Variants in SHROOM4 observed in about 807,000 individuals in gnomAD.
SHROOM4 encodes the protein protein Shroom4.
In SHROOM4, 17 loss-of-function variants were observed where a neutral mutation model predicts 80.3. The observed-to-expected ratio is 0.21, with a 90% CI of 0.14 to 0.32. The LOEUF is 0.32. SHROOM4 is among the 10% of genes least tolerant of loss of function. SHROOM4 has a pLI of 1.00. For synonymous variants in SHROOM4, 400 were observed against 437.5 expected, an observed-to-expected ratio of 0.91 and a Z score of 1.07; for missense variants, 993 against 1,140.3, an observed-to-expected ratio of 0.87 and a Z score of 1.86.
At chrX:50,597,306 C>T (rs1929155973) in intron 8 of SHROOM4, among the ~76,000 whole-genome samples, 1 of 112,011 alleles carries the variant, frequency 8.9e-6, no homozygotes, top group Admixed American at 9.4e-5. Flanking sequence ...GAACAACTGT[C>T]ACTGTGGAGG....
chrX:50,587,247 A>G lies in SHROOM4; in HGVS notation c.*9448T>C, dbSNP rs998420491. On this transcript the variant is annotated 3_prime_UTR_variant, in exon 9 of 9. Transcript: ENST00000376020. ...AAAAGGCAAGGGATAACAAATGTTG[A>G]TGAGGGTATGGAGGAAAGGAAACCC... Among the ~76,000 whole-genome samples, 1 of 112,319 alleles carries G rather than the reference A, an allele frequency of 8.9e-6. No homozygotes were observed. Among genetic ancestry groups the G allele is most frequent in the Admixed American group, 9.5e-5 (1 of 10,576 alleles).
chrX:50,588,095 G>C lies in SHROOM4; in HGVS notation c.*8600C>G, dbSNP rs923978501. Among the ~76,000 whole-genome samples the C allele has an allele frequency of 9.0e-6, 1 of 111,396 alleles. No individual in the cohort carries two copies. The highest frequency in any genetic ancestry group is 1.9e-5 in the Non-Finnish European group (1 of 52,993). Reference sequence around the variant, plus strand: ...CAGTTCCTTCTCTATTGTTCTGAAGGGGGTGTTTTCTTGGGAGTATAGACT... The same window carrying C: ...CAGTTCCTTCTCTATTGTTCTGAAGCGGGTGTTTTCTTGGGAGTATAGACT... On this transcript the variant is annotated 3_prime_UTR_variant, in exon 9 of 9. Transcript: ENST00000376020.
chrX:50,625,864 C>T (rs1557252956), intron 5 of SHROOM4, among the ~76,000 whole-genome samples: 1 of 112,062 alleles, frequency 8.9e-6, no homozygotes, highest in East Asian at 2.8e-4. Context: ...CTGGTCAAGG[C>T]CTGCCTAGGC....
chrX:50,591,693 C>T lies in SHROOM4; in HGVS notation c.*5002G>A, dbSNP rs782656147. On this transcript the variant is annotated 3_prime_UTR_variant, in exon 9 of 9. Coordinates refer to ENST00000376020, the MANE Select transcript of SHROOM4 (RefSeq NM_020717.5). Reference sequence around the variant, plus strand: ...GTTTTCTTTCTTTCTTTCTTTCTTTCTTTTCTTTCTTTCTTTCTTTCTTTC... The same window carrying T: ...GTTTTCTTTCTTTCTTTCTTTCTTTTTTTTCTTTCTTTCTTTCTTTCTTTC... The T allele has an allele frequency of 3.1e-5, 7 of 228,910 alleles. No homozygotes were observed. The Admixed American group carries it at 3.7e-4, about 12-fold the overall frequency. 18.9% of individuals were successfully genotyped at this position (228,910 alleles called of 1,213,427 possible). A position where few individuals can be genotyped will look rare whatever the true frequency, so the allele number is the denominator to read the frequency against.
At chrX:50,735,781 G>A (rs942327224) in intron 1 of SHROOM4, among the ~76,000 whole-genome samples, 6 of 111,547 alleles carry the variant, frequency 5.4e-5, no homozygotes, top group African/African-American at 2.0e-4. Context: ...GCTGAGGTGG[G>A]CGGATCACGA....
At chrX:50,643,904 A>G (rs958436948) in intron 2 of SHROOM4, among the ~76,000 whole-genome samples, 1 of 112,889 alleles carries the variant, frequency 8.9e-6, no homozygotes, top group African/African-American at 3.2e-5. Context: ...AATACCCCAG[A>G]CACATACACT....
chrX:50,608,026 A>T lies in SHROOM4; in HGVS notation c.3116T>A (p.Val1039Asp). ...GGCAAGGGAGCTCCCCTCCTCATAA[A>T]CTGAAGTTTCCTCTGATTTTTTCAA... The part of the protein sequence containing the change: ...HALKKSEETS[V>D]YEEGSSLASM... Residue 1039 changes from valine (V) to aspartate (D), a missense_variant, in exon 6 of 9, where the codon GTT becomes GAT. Physicochemically the swap from Val to Asp is radical, Grantham distance 152. Coordinates refer to ENST00000376020, the MANE Select transcript of SHROOM4 (RefSeq NM_020717.5). 1 of 1,211,299 alleles carries T rather than the reference A, an allele frequency of 8.3e-7. No individual in the cohort carries two copies. Among genetic ancestry groups the T allele is most frequent in the Non-Finnish European group, 1.1e-6 (1 of 895,392 alleles).
rs1448709287 is a variant in SHROOM4, at chrX:50,587,985, T to A, written c.*8710A>T. The stretch of plus-strand genomic sequence containing the variant: ...AAACTCAATGACATTTAAGTTGACT[T>A]TAAGTCTAAAGATAGGTTTGAGGAG... On this transcript the variant is annotated 3_prime_UTR_variant, in exon 9 of 9. Coordinates refer to ENST00000376020, the MANE Select transcript of SHROOM4 (RefSeq NM_020717.5). Among the ~76,000 whole-genome samples the A allele has an allele frequency of 8.9e-6, 1 of 112,008 alleles. No homozygotes were observed. The highest frequency in any genetic ancestry group is 1.9e-5 in the Non-Finnish European group (1 of 53,153).
chrX:50,782,278 T>C (rs1284547052), intron 1 of SHROOM4, among the ~76,000 whole-genome samples: 1 of 109,859 alleles, frequency 9.1e-6, no homozygotes, highest in Non-Finnish European at 1.9e-5. Context: ...ATCACTCCCA[T>C]GGTTTAAAAC....
chrX:50,658,677 G>T (rs1229854227), intron 2 of SHROOM4, among the ~76,000 whole-genome samples: 1 of 111,449 alleles, frequency 9.0e-6, no homozygotes, highest in Non-Finnish European at 1.9e-5. Flanking sequence ...CAGGTAGAGG[G>T]ATAGGAAGGG....
At chrX:50,611,969 A>G (rs1488038901) in intron 5 of SHROOM4, among the ~76,000 whole-genome samples, 2 of 111,323 alleles carry the variant, frequency 1.8e-5, no homozygotes, top group African/African-American at 6.5e-5. Flanking sequence ...AAATACTTAT[A>G]TTAGTATGTA....
chrX:50,717,853 G>A (rs1247133998), intron 1 of SHROOM4, among the ~76,000 whole-genome samples: 1 of 111,759 alleles, frequency 8.9e-6, no homozygotes, highest in African/African-American at 3.3e-5. Context: ...TTCATTGTGT[G>A]GCTGAGATGT....
At chrX:50,785,111 C>A (rs1246439548) in intron 1 of SHROOM4, among the ~76,000 whole-genome samples, 5 of 111,464 alleles carry the variant, frequency 4.5e-5, no homozygotes, top group African/African-American at 6.5e-5. Context: ...ATAAAACTTA[C>A]CATAATAAGT....
chrX:50,679,229 A>G lies in SHROOM4; in HGVS notation c.269+16557T>C, dbSNP rs192321356. Among the ~76,000 whole-genome samples the G allele has an allele frequency of 5.4e-5, 6 of 111,030 alleles. No individual in the cohort carries two copies. In the East Asian group the frequency reaches 1.7e-3, roughly 32 times the overall value. On this transcript the variant is annotated intron_variant, in intron 2 of 8. Coordinates refer to ENST00000376020, the MANE Select transcript of SHROOM4 (RefSeq NM_020717.5). ...TTCTCCTTATAGTTGATTTAAAAAG[A>G]TAAGCATTGAGAAAAGAACTTCCTC... is the stretch of plus-strand genomic sequence containing the variant.
intron 1 of SHROOM4, among the ~76,000 whole-genome samples, chrX:50,714,033 T>G (rs1040411346): frequency 8.9e-6 from 1 of 112,253 alleles, no homozygotes; most frequent in Non-Finnish European, 1.9e-5. Context: ...CTTCTGCATA[T>G]GCTTATTGAG....
Position 50,607,792 on chromosome X carries a change from G to C in SHROOM4, c.3350C>G (p.Ala1117Gly), listed in dbSNP as rs1929751253. The C allele has an allele frequency of 1.8e-6, 2 of 1,085,280 alleles. No individual in the cohort carries two copies. Among genetic ancestry groups the C allele is most frequent in the African/African-American group, 2.2e-5 (1 of 45,717 alleles). The allele number at this position is 1,085,280 out of a possible 1,213,427, so 89.4% of individuals were successfully genotyped here. ...PNWEKYRLFRAAQQQKQQQQQ... is the reference protein window; with the variant it reads ...PNWEKYRLFRGAQQQKQQQQQ... The stretch of plus-strand genomic sequence containing the variant: ...CTGTTGCTGCTTCTGCTGCTGGGCT[G>C]CACGAAAGAGCCTGTACTTCTCCCA... The change falls in exon 6 of 9, where the codon GCA (alanine) becomes GGA (glycine). Residue 1117 changes from alanine (A) to glycine (G), a missense_variant. Ala to Gly is a moderately conservative substitution (Grantham distance 60). Transcript: ENST00000376020.
At chrX:50,617,374 C>A (rs782224779) in intron 5 of SHROOM4, among the ~76,000 whole-genome samples, 72 of 111,704 alleles carry the variant, frequency 6.4e-4, no homozygotes, top group African/African-American at 2.2e-3. Flanking sequence ...GATTAATGTT[C>A]AACCCTGCTC....
intron 1 of SHROOM4, among the ~76,000 whole-genome samples, chrX:50,807,836 G>C (rs1936259257): frequency 9.0e-6 from 1 of 111,713 alleles, no homozygotes. Flanking sequence ...CCTTAGGCAG[G>C]TATGGCTTAA....
chrX:50,740,268 A>G (rs1557267118), intron 1 of SHROOM4, among the ~76,000 whole-genome samples: 1 of 107,832 alleles, frequency 9.3e-6, no homozygotes, highest in Non-Finnish European at 1.9e-5. Context: ...AACATGGCAC[A>G]TGTGTACATA....
Sources: gnomAD v4.1 joint callset for allele counts (sites outside exome capture counted in the v4.1 genomes callset) on GRCh38, gnomAD v4.1.1 for gene constraint, MANE v1.5 for transcripts, NCBI Gene and HGNC (gene_info 2026-07-23, HGNC 2026-07-21) for gene names.